The following CAMK1D variants were observed in gnomAD, a reference collection of about 807,000 sequenced individuals.
CAMK1D encodes the protein calcium/calmodulin dependent protein kinase ID.
A neutral mutation model predicts 47.7 loss-of-function variants in CAMK1D; 9 were observed. That is an observed-to-expected ratio of 0.19 (90% CI 0.11 to 0.33). The LOEUF is 0.33. CAMK1D is among the 10% of genes least tolerant of loss of function. The pLI, the probability that CAMK1D is intolerant of heterozygous loss-of-function variation, is 1.00. For synonymous variants in CAMK1D, 184 were observed against 184.9 expected, an observed-to-expected ratio of 0.99 and a Z score of 0.04; for missense variants, 291 against 488.7, an observed-to-expected ratio of 0.60 and a Z score of 3.81.
chr10:12,782,532 T>C (rs1837544152), intron 5 of CAMK1D, among the ~76,000 whole-genome samples: 1 of 152,218 alleles, frequency 6.6e-6, no homozygotes, highest in East Asian at 1.9e-4. Flanking sequence ...TCTCTCTCAC[T>C]GTTTGAGAGA....
chr10:12,755,675 C>T (rs1836194124), intron 3 of CAMK1D, among the ~76,000 whole-genome samples: 2 of 152,104 alleles, frequency 1.3e-5, no homozygotes, highest in South Asian at 4.1e-4. Context: ...TGTTTCCTGA[C>T]TTTTTAATGA....
At chr10:12,571,747 T>C (rs1025147630) in intron 2 of CAMK1D, among the ~76,000 whole-genome samples, 1 of 152,078 alleles carries the variant, frequency 6.6e-6, no homozygotes, top group Non-Finnish European at 1.5e-5. Flanking sequence ...TCCGTGAAGG[T>C]AGGGATGCTA....
At chr10:12,606,687 C>G (rs1000834455) in intron 2 of CAMK1D, among the ~76,000 whole-genome samples, 5 of 152,212 alleles carry the variant, frequency 3.3e-5, no homozygotes, top group African/African-American at 9.6e-5. Flanking sequence ...GTCTCGGGCA[C>G]CACGCCCAAC....
At chr10:12,395,159 A>G (rs922593242) in intron 1 of CAMK1D, among the ~76,000 whole-genome samples, 1 of 146,670 alleles carries the variant, frequency 6.8e-6, no homozygotes, top group East Asian at 2.0e-4. Context: ...GCAGCCTCCA[A>G]CTCCTGGGTT....
chr10:12,716,416 C>T (rs1246217276), intron 3 of CAMK1D, among the ~76,000 whole-genome samples: 1 of 152,122 alleles, frequency 6.6e-6, no homozygotes, highest in Admixed American at 6.5e-5. Flanking sequence ...TTGACTTTGC[C>T]AGAAAAATTT....
At chr10:12,623,438 T>TC (rs1456532327) in intron 2 of CAMK1D, among the ~76,000 whole-genome samples, 1 of 26,760 alleles carries the variant, frequency 3.7e-5, no homozygotes, top group Non-Finnish European at 7.9e-5. Context: ...CCTCCCTCCC[T>TC]TCTTTCCTTC....
chr10:12,758,576 G>A (rs910977526), intron 3 of CAMK1D, among the ~76,000 whole-genome samples: 1 of 152,200 alleles, frequency 6.6e-6, no homozygotes, highest in Non-Finnish European at 1.5e-5. Flanking sequence ...TGATGCTTCA[G>A]TTTTCACTGC....
chr10:12,644,442 C>T (rs369234211), intron 2 of CAMK1D, among the ~76,000 whole-genome samples: 20 of 152,346 alleles, frequency 1.3e-4, no homozygotes, highest in Admixed American at 7.2e-4. Context: ...AATGTGCCAT[C>T]AAAATTAATC....
intron 1 of CAMK1D, among the ~76,000 whole-genome samples, chr10:12,467,060 G>C (rs1445456612): frequency 7.2e-5 from 11 of 152,110 alleles, no homozygotes; most frequent in Admixed American, 7.2e-4. Context: ...TGAGAAACTT[G>C]TTGTCAGTAC....
At chr10:12,607,877 C>G (rs1489979861) in intron 2 of CAMK1D, among the ~76,000 whole-genome samples, 1 of 152,166 alleles carries the variant, frequency 6.6e-6, no homozygotes, top group Non-Finnish European at 1.5e-5. Context: ...AGGAGGAGCA[C>G]TTGAGCCTGG....
chr10:12,667,730 G>T (rs1271471272), intron 3 of CAMK1D, among the ~76,000 whole-genome samples: 1 of 152,048 alleles, frequency 6.6e-6, no homozygotes, highest in Non-Finnish European at 1.5e-5. Context: ...GATTGTTGAG[G>T]GTATGGAGAA....
chr10:12,546,882 A>G (rs967570836), intron 1 of CAMK1D, among the ~76,000 whole-genome samples: 1 of 152,078 alleles, frequency 6.6e-6, no homozygotes, highest in Admixed American at 6.5e-5. Context: ...TGGGTGCAGC[A>G]CACCAACATG....
At chr10:12,825,350 G>A (rs944024743) in intron 9 of CAMK1D, among the ~76,000 whole-genome samples, 1 of 151,148 alleles carries the variant, frequency 6.6e-6, no homozygotes, top group African/African-American at 2.4e-5. Context: ...GATGTCAGAA[G>A]AAAACTATTT....
chr10:12,734,371 T>G (rs1486639748), intron 3 of CAMK1D, among the ~76,000 whole-genome samples: 674 of 9,148 alleles, frequency 0.074, 48 homozygotes, highest in Middle Eastern at 0.14. Context: ...TATATATATA[T>G]ATATATAGAT....
chr10:12,408,030 A>C (rs571677888), intron 1 of CAMK1D, among the ~76,000 whole-genome samples: 1 of 151,400 alleles, frequency 6.6e-6, no homozygotes, highest in Non-Finnish European at 1.5e-5. Flanking sequence ...GCTAATTTTT[A>C]TATTTTTAGT....
At chr10:12,507,952 T>C (rs1834927912) in intron 1 of CAMK1D, among the ~76,000 whole-genome samples, 1 of 152,204 alleles carries the variant, frequency 6.6e-6, no homozygotes, top group African/African-American at 2.4e-5. Flanking sequence ...CAGGCCACAT[T>C]GTTCCCAGAT....
At chr10:12,744,809 A>C (rs1458757080) in intron 3 of CAMK1D, among the ~76,000 whole-genome samples, 2 of 151,838 alleles carry the variant, frequency 1.3e-5, no homozygotes, top group African/African-American at 4.8e-5. Flanking sequence ...GATAAGGGAG[A>C]AGGATCGCTT....
chr10:12,374,821 T>C (rs1043092031), intron 1 of CAMK1D, among the ~76,000 whole-genome samples: 4 of 151,152 alleles, frequency 2.6e-5, no homozygotes, highest in Non-Finnish European at 4.4e-5. Flanking sequence ...TGGGCGCTTG[T>C]AATCCCAGCT....
intron 1 of CAMK1D, among the ~76,000 whole-genome samples, chr10:12,380,535 A>T (rs1277275900): frequency 6.6e-6 from 1 of 152,180 alleles, no homozygotes; most frequent in African/African-American, 2.4e-5. Flanking sequence ...TTTTCTTATC[A>T]TGATGCCACC....
Sources: gnomAD v4.1 joint callset for allele counts (sites outside exome capture counted in the v4.1 genomes callset) on GRCh38, gnomAD v4.1.1 for gene constraint, MANE v1.5 for transcripts, NCBI Gene and HGNC (gene_info 2026-07-23, HGNC 2026-07-21) for gene names.